ITCH: variants seen among roughly 807,000 people sequenced by gnomAD.
ITCH encodes the protein E3 ubiquitin-protein ligase Itchy homolog.
Under a neutral mutation model 126.8 loss-of-function variants are expected in ITCH, and 28 were observed. That is an observed-to-expected ratio of 0.22 (90% CI 0.16 to 0.30). ITCH has a LOEUF of 0.30. Among genes scored for constraint, ITCH ranks in the 10% least tolerant of loss-of-function variants. The pLI, the probability that ITCH is intolerant of heterozygous loss-of-function variation, is 1.00. For missense variants in ITCH, 631 were observed against 1,032.4 expected (o/e 0.61, Z 5.33); for synonymous variants, 342 against 340.0 (o/e 1.01, Z -0.06).
At chr20:34,388,446 CT>C (rs1419741179) in intron 2 of ITCH, among the ~76,000 whole-genome samples, 20 of 151,892 alleles carry the variant, frequency 1.3e-4, no homozygotes, top group African/African-American at 4.3e-4. Flanking sequence ...TTGCAGTGGC[CT>C]TATCACAGCT....
At chr20:34,373,355 A>C (rs972404116) in intron 2 of ITCH, among the ~76,000 whole-genome samples, 5 of 150,878 alleles carry the variant, frequency 3.3e-5, no homozygotes, top group Non-Finnish European at 5.9e-5. Context: ...GGCTCACTGC[A>C]ACCTCCGTTT....
intron 7 of ITCH, among the ~76,000 whole-genome samples, chr20:34,436,471 G>A (rs996518407): frequency 3.3e-5 from 5 of 152,182 alleles, no homozygotes; most frequent in Non-Finnish European, 5.9e-5. Flanking sequence ...TCTTAAAATG[G>A]TTTTGGAAAC....
At chr20:34,455,476 T>A (rs1026332843) in intron 12 of ITCH, among the ~76,000 whole-genome samples, 1 of 146,492 alleles carries the variant, frequency 6.8e-6, no homozygotes, top group African/African-American at 2.5e-5. Context: ...ATATCCACAT[T>A]TTTTTTTTTT....
At chr20:34,484,040 G>C (rs550070990) in intron 20 of ITCH, among the ~76,000 whole-genome samples, 1 of 152,268 alleles carries the variant, frequency 6.6e-6, no homozygotes, top group Non-Finnish European at 1.5e-5. Context: ...AACAACATGA[G>C]AAAGGCCCGC....
Position 34,442,419 on chromosome 20 carries a change from C to G in ITCH, c.965+116C>G, listed in dbSNP as rs564282137. ...TTCTTGTCAGCCCTTTCTCTGTCCA[C>G]TTTGTTTTGTGGTAAGTACAAATTA... On this transcript the variant is annotated intron_variant, in intron 10 of 24. Coordinates refer to ENST00000374864, the MANE Select transcript of ITCH (RefSeq NM_031483.7). 1.0e-5 allele frequency: 8 copies of G among 772,886 alleles called. No individual in the cohort carries two copies. The East Asian group carries it at 2.2e-4, about 21-fold the overall frequency. The allele number at this position is 772,886 out of a possible 1,614,324, so 47.9% of individuals were successfully genotyped here. A position where few individuals can be genotyped will look rare whatever the true frequency, so the allele number is the denominator to read the frequency against.
intron 8 of ITCH, among the ~76,000 whole-genome samples, chr20:34,439,493 T>G (rs993727366): frequency 2.0e-5 from 3 of 152,224 alleles, no homozygotes; most frequent in Admixed American, 6.5e-5. Context: ...CAGGCTGGTC[T>G]GGAGCTCCTG....
At chr20:34,414,798 C>T (rs1979595574) in intron 6 of ITCH, among the ~76,000 whole-genome samples, 1 of 152,136 alleles carries the variant, frequency 6.6e-6, no homozygotes, top group African/African-American at 2.4e-5. Flanking sequence ...CTTCTTAACA[C>T]TGTACCACCC....
At chr20:34,478,292 C>T (rs1386847752) in intron 17 of ITCH, among the ~76,000 whole-genome samples, 1 of 152,196 alleles carries the variant, frequency 6.6e-6, no homozygotes, top group African/African-American at 2.4e-5. Flanking sequence ...CCACAGATTA[C>T]TGATACAGGT....
In ITCH at chr20:34,500,633, A is replaced by G. The variant is rs141697272; in HGVS notation, c.2417-3698A>G. 7.2e-5 allele frequency among the ~76,000 whole-genome samples: 11 copies of G among 152,226 alleles called. No homozygotes were observed. In the South Asian group the frequency reaches 1.0e-3, roughly 14 times the overall value. On this transcript the variant is annotated intron_variant, in intron 23 of 24. Transcript: ENST00000374864. ...CTTTTTAAATCTATTCAGCCAGTCT[A>G]TATCTTTTTAGTAGGGAATTTATCC...
Position 34,511,570 on chromosome 20 carries a change from T to C in ITCH, c.*3776T>C, listed in dbSNP as rs982715559. On this transcript the variant is annotated 3_prime_UTR_variant, in exon 25 of 25. Transcript: ENST00000374864. ...ATTGTTCCCAGACCAAATCAAGGGT[T>C]GGACTGCTTATTCTCGCAGCCCAAT... 6.6e-6 allele frequency among the ~76,000 whole-genome samples: 1 copy of C among 152,166 alleles called. No individual in the cohort carries two copies. The highest frequency in any genetic ancestry group is 2.4e-5 in the African/African-American group (1 of 41,446).
At chr20:34,492,449 G>A in intron 22 of ITCH, 52 bp from the exon 23 acceptor site, 1 of 1,088,468 alleles carries the variant, frequency 9.2e-7, no homozygotes, top group Non-Finnish European at 1.4e-6. Context: ...CTTGTTTAGT[G>A]TGCTGAATGT....
At chr20:34,381,227 A>C (rs1205842983) in intron 2 of ITCH, among the ~76,000 whole-genome samples, 2 of 151,938 alleles carry the variant, frequency 1.3e-5, no homozygotes, top group Non-Finnish European at 2.9e-5. Context: ...AAAGTCTACA[A>C]AACGAAACAA....
intron 1 of ITCH, 26 bp from the exon 2 acceptor site, chr20:34,369,365 GTGT>G: frequency 5.0e-6 from 2 of 398,872 alleles, no homozygotes; most frequent in Non-Finnish European, 8.8e-6. Flanking sequence ...TAGAAGTAAT[GTGT>G]TAATGGACTC....
At chr20:34,417,587 A>G (rs1980094753) in intron 6 of ITCH, among the ~76,000 whole-genome samples, 1 of 149,638 alleles carries the variant, frequency 6.7e-6, no homozygotes, top group African/African-American at 2.5e-5. Context: ...TTTAGTACAG[A>G]TGGGGTTTTA....
intron 23 of ITCH, among the ~76,000 whole-genome samples, chr20:34,498,568 TC>T (rs759137783): frequency 6.6e-6 from 1 of 152,244 alleles, no homozygotes; most frequent in Admixed American, 6.5e-5. Flanking sequence ...AAATATTTTT[TC>T]TGCATCTATT....
chr20:34,503,878 T>TTG (rs1569012821), intron 23 of ITCH, among the ~76,000 whole-genome samples: 12 of 114,344 alleles, frequency 1.0e-4, no homozygotes, highest in East Asian at 7.1e-4. Context: ...TGGTTTTTTT[T>TTG]TTTTTGGTTT....
chr20:34,386,003 A>C (rs2038269002), intron 2 of ITCH, among the ~76,000 whole-genome samples: 1 of 152,148 alleles, frequency 6.6e-6, no homozygotes, highest in African/African-American at 2.4e-5. Flanking sequence ...TAAATTATGG[A>C]AATGGGTATT....
intron 2 of ITCH, among the ~76,000 whole-genome samples, chr20:34,369,788 A>G (rs1198746122): frequency 1.3e-5 from 2 of 152,006 alleles, no homozygotes; most frequent in African/African-American, 4.8e-5. Context: ...CATGTGTAGG[A>G]TTAAGAGGTG....
At chr20:34,424,244 A>G (rs975172225) in intron 6 of ITCH, among the ~76,000 whole-genome samples, 1 of 152,194 alleles carries the variant, frequency 6.6e-6, no homozygotes, top group African/African-American at 2.4e-5. Context: ...ACCTTTAGTA[A>G]TTAACATCCC....
Sources: allele counts gnomAD v4.1 joint callset (sites outside exome capture counted in the v4.1 genomes callset), GRCh38; gene constraint gnomAD v4.1.1; transcripts MANE v1.5; gene names NCBI Gene and HGNC (gene_info 2026-07-23, HGNC 2026-07-21).